UBR4: variants seen among roughly 807,000 people sequenced by gnomAD.
UBR4 encodes the protein ubiquitin protein ligase E3 component n-recognin 4, also known as E3 ubiquitin-protein ligase UBR4.
Under a neutral mutation model 575.6 loss-of-function variants are expected in UBR4, and 124 were observed. The ratio of observed to expected loss-of-function variants is 0.22; its 90% CI spans 0.19 to 0.25. The LOEUF (loss-of-function observed/expected upper bound fraction) is 0.25, where lower values mean the gene tolerates loss of function less well. UBR4 is among the 10% of genes least tolerant of loss of function. The pLI, the probability that UBR4 is intolerant of heterozygous loss-of-function variation, is 1.00. For missense variants in UBR4, 4,818 were observed against 6,478.8 expected (o/e 0.74, Z 8.80); for synonymous variants, 2,455 against 2,473.7 (o/e 0.99, Z 0.22).
rs747908275 is a variant in UBR4, at chr1:19,156,860, CAG to C, written c.5824_5825del (p.Leu1942AspfsTer39). On this transcript the variant is annotated frameshift_variant, in exon 41 of 106. Coordinates refer to ENST00000375254, the MANE Select transcript of UBR4 (RefSeq NM_020765.3). LOFTEE classifies it high-confidence loss of function. ...GAACTGGGGCAGAAGCCAAGCGGGTCAGAGTTAACTTCCTTTTGCTGGAATCT... is the reference window on the plus strand; with the variant it reads ...GAACTGGGGCAGAAGCCAAGCGGGTCAGTTAACTTCCTTTTGCTGGAATCT... ...QADSSKRKLTLTRLASAPVPF... is the reference protein window; with the variant it reads ...QADSSKRKLTXTRLASAPVPF... The C allele has an allele frequency of 6.2e-7, 1 of 1,613,990 alleles. No individual in the cohort carries two copies. The highest frequency in any genetic ancestry group is 8.5e-7 in the Non-Finnish European group (1 of 1,180,018).
At position 19,095,650 on chromosome 1, in the gene UBR4, C is replaced by T. The variant is rs1252261140; in HGVS notation, c.13521G>A (p.Val4507=). Residue 4507 remains valine, a splice_region_variant and synonymous_variant, in exon 93 of 106, where the codon GTG becomes GTA. Coordinates refer to ENST00000375254, the MANE Select transcript of UBR4 (RefSeq NM_020765.3). ...DFKQGRHLLT[V]LLKLFSYCVK... ...CGCAGTAACTGAACAATTTCAGTAG[C>T]ACCTGACAAGAAAAGCCAGTCAAAA... The T allele has an allele frequency of 6.2e-7, 1 of 1,613,922 alleles. No individual in the cohort carries two copies. Among genetic ancestry groups the T allele is most frequent in the Admixed American group, 1.7e-5 (1 of 60,014 alleles).
At chr1:19,133,337 T>A (rs7518294) in intron 60 of UBR4, among the ~76,000 whole-genome samples, 14,777 of 152,054 alleles carry the variant, frequency 0.097, 793 homozygotes, top group Non-Finnish European at 0.12. Flanking sequence ...AAACTGGAAA[T>A]CTTGAAAAAC....
Position 19,127,672 on chromosome 1 carries a change from C to T in UBR4, c.9179G>A (p.Ser3060Asn). The change falls in exon 63 of 106, where the codon AGT becomes AAT. Residue 3060 changes from serine to asparagine, a missense_variant. Coordinates refer to ENST00000375254, the MANE Select transcript of UBR4 (RefSeq NM_020765.3). ...EVHLVVMRLL[S>N]VFMSRTKSGS... ...AGATTTGGTGCGGGACATGAAGACA[C>T]TCAGGAGTCTCATTACTACCAGATG... 6.2e-7 allele frequency: 1 copy of T among 1,614,182 alleles called. No homozygotes were observed. Among genetic ancestry groups the T allele is most frequent in the East Asian group, 2.2e-5 (1 of 44,888 alleles).
chr1:19,102,093 A>G (rs1460396237), intron 87 of UBR4, among the ~76,000 whole-genome samples: 1 of 152,266 alleles, frequency 6.6e-6, no homozygotes, highest in Non-Finnish European at 1.5e-5. Context: ...CACAACTTAA[A>G]GTAACATGAA....
intron 55 of UBR4, among the ~76,000 whole-genome samples, chr1:19,143,264 AAGAAAGAAAGAAAG>A (rs1557762823): frequency 4.4e-5 from 2 of 45,118 alleles, no homozygotes; most frequent in Admixed American, 2.5e-4. Context: ...GGAAGGAAGA[AAGAAAGAAAGAAAG>A]AAAGAAAGAA....
chr1:19,084,448 CAG>C, intron 102 of UBR4, 54 bp downstream of exon 102: 2 of 1,521,188 alleles, frequency 1.3e-6, no homozygotes, highest in South Asian at 2.5e-5. Context: ...GGATCTCGGG[CAG>C]AGGGATGCAG....
chr1:19,181,138 G>A lies in UBR4; in HGVS notation c.2185-1918C>T, dbSNP rs533707673. ...CTCACACCTACAGTCCCAGCTATAC[G>A]GGAGACTGAGGTGGTAAGATCACTT... On this transcript the variant is annotated intron_variant, in intron 17 of 105. Transcript: ENST00000375254. Among the ~76,000 whole-genome samples the A allele has an allele frequency of 7.2e-5, 11 of 152,222 alleles. No homozygotes were observed. In the South Asian group the frequency reaches 2.3e-3, roughly 32 times the overall value.
At chr1:19,183,712 A>C in intron 17 of UBR4, 99 bp downstream of exon 17, 1 of 1,240,298 alleles carries the variant, frequency 8.1e-7, no homozygotes, top group Non-Finnish European at 1.2e-6. Flanking sequence ...ACAGAGCAAG[A>C]CTCCATCTCA....
intron 102 of UBR4, 77 bp downstream of exon 102, chr1:19,084,427 A>G (rs2076814345): frequency 1.4e-6 from 2 of 1,467,954 alleles, no homozygotes; most frequent in South Asian, 1.4e-5. Context: ...GAGGCTATGA[A>G]AAAGCTGAGG....
intron 3 of UBR4, 119 bp downstream of exon 3, chr1:19,199,532 C>G (rs552734201): frequency 2.4e-6 from 2 of 844,666 alleles, no homozygotes; most frequent in African/African-American, 1.7e-5. Flanking sequence ...AACATACAGC[C>G]TGCAAATGAT....
chr1:19,120,656 G>A (rs555736980), intron 68 of UBR4, among the ~76,000 whole-genome samples: 3 of 152,300 alleles, frequency 2.0e-5, no homozygotes, highest in African/African-American at 7.2e-5. Context: ...AACAAATACA[G>A]TGACACTGGA....
chr1:19,127,491 C>T, intron 63 of UBR4, 132 bp downstream of exon 63: 2 of 718,896 alleles, frequency 2.8e-6, no homozygotes, highest in East Asian at 4.9e-5. Context: ...AAGGTGACAG[C>T]TTAGAATCTT....
At chr1:19,104,063 C>A in intron 87 of UBR4, 21 bp downstream of exon 87, 1 of 1,612,874 alleles carries the variant, frequency 6.2e-7, no homozygotes, top group Non-Finnish European at 8.5e-7. Flanking sequence ...CCTTAGGCTC[C>A]AGGCCACTGG....
rs527874835 is a variant in UBR4 at position 19,139,588 on chromosome 1, A to G, written c.8594-368T>C. ...CTAGCTAAAATGCTTCATGGTCACC[A>G]TTGTTTAGGTGTTACTGACACCTGC... On this transcript the variant is annotated intron_variant, in intron 58 of 105. Transcript: ENST00000375254. The surrounding 1 kb of genome is among the most constrained non-coding windows in gnomAD (Gnocchi z 4.2). 2.6e-5 allele frequency among the ~76,000 whole-genome samples: 4 copies of G among 152,364 alleles called. No homozygotes were observed. In the South Asian group the frequency reaches 6.2e-4, roughly 24 times the overall value.
intron 11 of UBR4, among the ~76,000 whole-genome samples, chr1:19,187,791 G>A (rs903203614): frequency 6.6e-6 from 1 of 152,032 alleles, no homozygotes; most frequent in African/African-American, 2.4e-5. Flanking sequence ...GGCTGGGCAC[G>A]GTGGCTCACA....
chr1:19,202,654 T>A (rs1486832531), intron 1 of UBR4, among the ~76,000 whole-genome samples: 1 of 152,120 alleles, frequency 6.6e-6, no homozygotes, highest in South Asian at 2.1e-4. Context: ...TTTTTTTTTT[T>A]AACCACATCC....
chr1:19,118,000 A>C lies in UBR4; in HGVS notation c.10542-90T>G. On this transcript the variant is annotated intron_variant, in intron 71 of 105. Transcript: ENST00000375254. The surrounding 1 kb of genome is among the most constrained non-coding windows in gnomAD (Gnocchi z 4.0). ...AAAATCATGACAAAGCCATGGCTCA[A>C]TGTGAGCCAAAGTGAGCCCAAAGTG... 4 of 1,287,540 alleles carry C rather than the reference A, an allele frequency of 3.1e-6. No individual in the cohort carries two copies. Among genetic ancestry groups the C allele is most frequent in the Non-Finnish European group, 4.5e-6 (4 of 895,648 alleles). The allele number at this position is 1,287,540 out of a possible 1,614,324, so 79.8% of individuals were successfully genotyped here.
chr1:19,125,571 G>C (rs1418625490), intron 64 of UBR4: 5 of 152,332 alleles, frequency 3.3e-5, no homozygotes, highest in Non-Finnish European at 7.3e-5. Flanking sequence ...AATTCCAGAA[G>C]GGACAGCATG....
In UBR4 at chr1:19,139,060, G is replaced by C. The variant is rs185442753; in HGVS notation, c.8731+23C>G. 6.3e-7 allele frequency: 1 copy of C among 1,594,648 alleles called. No homozygotes were observed. Among genetic ancestry groups the C allele is most frequent in the Admixed American group, 1.7e-5 (1 of 58,598 alleles). On this transcript the variant is annotated intron_variant, in intron 59 of 105. Coordinates refer to ENST00000375254, the MANE Select transcript of UBR4 (RefSeq NM_020765.3). This position sits in a 1 kb window ranked among gnomAD's most constrained non-coding sequence, Gnocchi z 4.2. The stretch of plus-strand genomic sequence containing the variant: ...TCCCCACCCTCTGCCCAAGGAGACA[G>C]GACCCCCGCCATGGCACATTACCAC...
Sources: allele counts gnomAD v4.1 joint callset (sites outside exome capture counted in the v4.1 genomes callset), GRCh38; gene constraint gnomAD v4.1.1; non-coding constraint Gnocchi (gnomAD v3.1); transcripts MANE v1.5; gene names NCBI Gene and HGNC (gene_info 2026-07-23, HGNC 2026-07-21).